Variants in FBXO11 observed in about 807,000 individuals in gnomAD.
FBXO11 encodes the protein F-box protein 11.
FBXO11 carries 13 observed loss-of-function variants against 117.0 expected under a neutral mutation model. The ratio of observed to expected loss-of-function variants is 0.11; its 90% CI spans 0.07 to 0.18. FBXO11 has a LOEUF of 0.18. FBXO11 is among the 10% of genes least tolerant of loss of function. The pLI, the probability that FBXO11 is intolerant of heterozygous loss-of-function variation, is 1.00. For synonymous variants in FBXO11, 490 were observed against 380.5 expected, an observed-to-expected ratio of 1.29 and a Z score of -3.35; for missense variants, 767 against 1,164.4, an observed-to-expected ratio of 0.66 and a Z score of 4.97.
chr2:47,814,144 AT>A (rs1439227572), intron 16 of FBXO11: 2 of 316,892 alleles, frequency 6.3e-6, no homozygotes, highest in African/African-American at 4.3e-5. Flanking sequence ...CATATGTAAA[AT>A]GAAGGACTGA....
chr2:47,835,817 A>G (rs1445101849), intron 5 of FBXO11, 55 bp downstream of exon 5: 5 of 1,404,902 alleles, frequency 3.6e-6, no homozygotes, highest in South Asian at 1.4e-5. Context: ...TTCTTAAAAG[A>G]AAGTTATTTA....
At chr2:47,898,217 A>G (rs1677823591) in intron 1 of FBXO11, among the ~76,000 whole-genome samples, 1 of 152,268 alleles carries the variant, frequency 6.6e-6, no homozygotes, top group Non-Finnish European at 1.5e-5. Context: ...TCAAAGGAAA[A>G]TAAACATTTT....
At chr2:47,826,137 C>T (rs1671739398) in intron 11 of FBXO11, among the ~76,000 whole-genome samples, 1 of 152,096 alleles carries the variant, frequency 6.6e-6, no homozygotes, top group Non-Finnish European at 1.5e-5. Flanking sequence ...CGGCTCACTG[C>T]AACCTCCATG....
intron 14 of FBXO11, among the ~76,000 whole-genome samples, chr2:47,819,280 G>A (rs1358754026): frequency 2.6e-5 from 4 of 152,096 alleles, no homozygotes; most frequent in Non-Finnish European, 5.9e-5. Context: ...ACAGTGGCGC[G>A]ATCTTGGCTC....
chr2:47,843,850 C>T (rs1443647831), intron 1 of FBXO11, among the ~76,000 whole-genome samples: 1 of 152,098 alleles, frequency 6.6e-6, no homozygotes, highest in Non-Finnish European at 1.5e-5. Context: ...AAGCTATTCT[C>T]CCACCTCAGC....
chr2:47,835,945 G>C lies in FBXO11; in HGVS notation c.644C>G (p.Pro215Arg). ...EYTRPMMHPE[P>R]GKFYQINPEE... ...TGGATTAATCTGGTAGAATTTTCCA[G>C]GTTCAGGATGCATCATAGGGCGAGT... The change falls in exon 5 of 23, where the codon CCT becomes CGT. Residue 215 changes from proline (P) to arginine (R), a missense_variant. Transcript: ENST00000403359. The C allele has an allele frequency of 6.2e-7, 1 of 1,611,496 alleles. No homozygotes were observed. The highest frequency in any genetic ancestry group is 2.2e-5 in the East Asian group (1 of 44,806).
At chr2:47,838,061 CAAAAAAAA>C (rs11286219) in intron 4 of FBXO11, among the ~76,000 whole-genome samples, 5 of 104,508 alleles carry the variant, frequency 4.8e-5, no homozygotes, top group Non-Finnish European at 9.6e-5. Flanking sequence ...CCCTTTGTCT[CAAAAAAAA>C]AAAAAAAAAA....
chr2:47,850,136 A>T (rs1482303654), intron 1 of FBXO11, among the ~76,000 whole-genome samples: 1 of 152,206 alleles, frequency 6.6e-6, no homozygotes, highest in East Asian at 1.9e-4. Flanking sequence ...GATAAAGCTC[A>T]TAAAACTTGA....
At chr2:47,884,087 T>C (rs1244334742) in intron 1 of FBXO11, among the ~76,000 whole-genome samples, 1 of 152,130 alleles carries the variant, frequency 6.6e-6, no homozygotes, top group African/African-American at 2.4e-5. Context: ...GGGCCTGTGA[T>C]GCATACCTAT....
chr2:47,889,930 C>T (rs570194698), intron 1 of FBXO11, among the ~76,000 whole-genome samples: 1 of 152,088 alleles, frequency 6.6e-6, no homozygotes, highest in Non-Finnish European at 1.5e-5. Context: ...AACATTTGTA[C>T]GTATTTACTA....
intron 1 of FBXO11, among the ~76,000 whole-genome samples, chr2:47,904,237 G>T (rs1678555609): frequency 6.6e-6 from 1 of 151,948 alleles, no homozygotes; most frequent in South Asian, 2.1e-4. Flanking sequence ...ACCTTAATCC[G>T]CCAACTAAAA....
chr2:47,838,016 A>C (rs1316910261), intron 4 of FBXO11, among the ~76,000 whole-genome samples: 2 of 150,546 alleles, frequency 1.3e-5, no homozygotes, highest in Non-Finnish European at 3.0e-5. Context: ...ACTTGACCCC[A>C]GGAGTTCAAG....
At position 47,828,045 on chromosome 2, in the gene FBXO11, T is replaced by C. The variant is rs939332548; in HGVS notation, c.1398+4304A>G. Among the ~76,000 whole-genome samples, 7 of 152,126 alleles carry C rather than the reference T, an allele frequency of 4.6e-5. No homozygotes were observed. In the East Asian group the frequency reaches 5.8e-4, roughly 13 times the overall value. On this transcript the variant is annotated intron_variant, in intron 11 of 22. Coordinates refer to ENST00000403359, the MANE Select transcript of FBXO11 (RefSeq NM_001190274.2). ...CTCCCTGTCACCCAAGCTGGAGCTATCACAGGTCATTACAACCTTGAACTT... is the reference window on the plus strand; with the variant it reads ...CTCCCTGTCACCCAAGCTGGAGCTACCACAGGTCATTACAACCTTGAACTT...
At chr2:47,868,210 G>A (rs1001438211) in intron 1 of FBXO11, among the ~76,000 whole-genome samples, 15 of 150,906 alleles carry the variant, frequency 9.9e-5, no homozygotes, top group Admixed American at 7.9e-4. Context: ...TTGAACCCGG[G>A]AGGCGGAGGT....
intron 1 of FBXO11, among the ~76,000 whole-genome samples, chr2:47,887,929 G>T (rs994533074): frequency 6.6e-6 from 1 of 152,060 alleles, no homozygotes; most frequent in Non-Finnish European, 1.5e-5. Flanking sequence ...GAGGCAGAAT[G>T]ATCTCTTGAG....
intron 21 of FBXO11, 106 bp from the exon 22 acceptor site, chr2:47,808,533 C>T (rs1558399630): frequency 6.1e-6 from 6 of 979,680 alleles, no homozygotes; most frequent in East Asian, 5.2e-5. Flanking sequence ...AGGACCAAAA[C>T]AAAATTCTTT....
At chr2:47,822,487 G>A (rs1423321899) in intron 12 of FBXO11, among the ~76,000 whole-genome samples, 184 bp from the exon 13 acceptor site, 4 of 152,162 alleles carry the variant, frequency 2.6e-5, no homozygotes, top group Non-Finnish European at 5.9e-5. Context: ...AAGAACATAT[G>A]TAGCATTCTT....
At chr2:47,817,372 A>G (rs528286337) in intron 16 of FBXO11, among the ~76,000 whole-genome samples, 23 of 152,356 alleles carry the variant, frequency 1.5e-4, no homozygotes, top group East Asian at 5.8e-4. Flanking sequence ...CCATATTAGC[A>G]TAAGTCCATT....
chr2:47,817,160 G>C (rs1028444183), intron 16 of FBXO11, among the ~76,000 whole-genome samples: 3 of 152,212 alleles, frequency 2.0e-5, no homozygotes, highest in Non-Finnish European at 1.5e-5. Flanking sequence ...CTCAGCATTT[G>C]CTGCTCCACC....
Sources: allele counts gnomAD v4.1 joint callset (sites outside exome capture counted in the v4.1 genomes callset), GRCh38; gene constraint gnomAD v4.1.1; transcripts MANE v1.5; gene names NCBI Gene and HGNC (gene_info 2026-07-23, HGNC 2026-07-21).